The following CEP162 variants were observed in gnomAD, a reference collection of about 807,000 sequenced individuals.
CEP162 encodes the protein centrosomal protein of 162 kDa.
A neutral mutation model predicts 169.2 loss-of-function variants in CEP162; 141 were observed. The observed-to-expected ratio is 0.83, with a 90% CI of 0.73 to 0.96. The LOEUF (loss-of-function observed/expected upper bound fraction) is 0.96. Among genes scored for constraint, CEP162 ranks in the 40% least tolerant of loss-of-function variants. The pLI is 0.00. For missense variants in CEP162, 1,600 were observed against 1,587.2 expected (o/e 1.01, Z -0.14); for synonymous variants, 540 against 526.4 (o/e 1.03, Z -0.35).
chr6:84,187,501 T>A (rs1010617738), intron 11 of CEP162, among the ~76,000 whole-genome samples: 4 of 152,224 alleles, frequency 2.6e-5, no homozygotes, highest in African/African-American at 9.6e-5. Context: ...CCTGGCTAGA[T>A]GCTAATCAAA....
chr6:84,135,720 G>A (rs62449281), intron 25 of CEP162, among the ~76,000 whole-genome samples: 6,465 of 152,084 alleles, frequency 0.043, 200 homozygotes, highest in Admixed American at 0.086. Context: ...AAAATTAGCC[G>A]GGTGTGATGG....
At chr6:84,206,855 A>C (rs1163039401) in intron 6 of CEP162, among the ~76,000 whole-genome samples, 2 of 152,222 alleles carry the variant, frequency 1.3e-5, no homozygotes, top group African/African-American at 4.8e-5. Context: ...ATCTACAAAG[A>C]ACTCAAACAA....
At chr6:84,164,578 T>C (rs1001519153) in intron 18 of CEP162, among the ~76,000 whole-genome samples, 3 of 152,130 alleles carry the variant, frequency 2.0e-5, no homozygotes, top group African/African-American at 7.2e-5. Context: ...CCATCACTCT[T>C]AGCAAACTAA....
In CEP162 at chr6:84,225,621, T is replaced by C. The variant is rs929343522; in HGVS notation, c.57+716A>G. Among the ~76,000 whole-genome samples the C allele has an allele frequency of 1.6e-4, 24 of 152,166 alleles. 1 individual carries two copies. On this transcript the variant is annotated intron_variant, in intron 2 of 26. Transcript: ENST00000403245. ...ACATAGTAGTGAACATGTTGATATA[T>C]AATAGCAATGAACGTAGAGTCATCA...
Position 84,221,103 on chromosome 6 carries a change from TTTC to T in CEP162, c.123_125del (p.Lys42del). The T allele has an allele frequency of 6.2e-7, 1 of 1,604,018 alleles. No homozygotes were observed. The highest frequency in any genetic ancestry group is 8.5e-7 in the Non-Finnish European group (1 of 1,171,418). On this transcript the variant is annotated inframe_deletion, in exon 3 of 27. Coordinates refer to ENST00000403245, the MANE Select transcript of CEP162 (RefSeq NM_014895.4). ...CAGTTATCCACCAAGGCACTGTATC[TTTC>T]TTCTTCATCTCTTTTTTAGATTGTC...
At chr6:84,152,073 A>G (rs1289631311) in intron 23 of CEP162, among the ~76,000 whole-genome samples, 1 of 152,194 alleles carries the variant, frequency 6.6e-6, no homozygotes, top group African/African-American at 2.4e-5. Context: ...GAAATGGATG[A>G]GTATAAAGTT....
Position 84,124,949 on chromosome 6 carries a change from T to C in CEP162, c.*121A>G. The C allele has an allele frequency of 1.3e-6, 1 of 749,250 alleles. No homozygotes were observed. Among genetic ancestry groups the C allele is most frequent in the Non-Finnish European group, 2.2e-6 (1 of 454,036 alleles). 46.4% of individuals were successfully genotyped at this position (749,250 alleles called of 1,614,324 possible). On this transcript the variant is annotated 3_prime_UTR_variant, in exon 27 of 27. Coordinates refer to ENST00000403245, the MANE Select transcript of CEP162 (RefSeq NM_014895.4). ...GGCAATTTATTTTGAAATGTTGCTT[T>C]GGTTGTTTGCTTTCTGGAAACATAT...
chr6:84,190,519 C>T (rs989975271), intron 11 of CEP162, among the ~76,000 whole-genome samples: 4 of 152,298 alleles, frequency 2.6e-5, no homozygotes, highest in African/African-American at 9.6e-5. Flanking sequence ...ACACTCACTG[C>T]AAAGATCTGC....
chr6:84,219,876 T>C (rs2099552994), intron 3 of CEP162, among the ~76,000 whole-genome samples: 1 of 152,204 alleles, frequency 6.6e-6, no homozygotes, highest in Admixed American at 6.5e-5. Flanking sequence ...AGTGTTACTA[T>C]GGTGTTCTGA....
At chr6:84,200,092 A>G (rs1032975926) in intron 9 of CEP162, among the ~76,000 whole-genome samples, 1 of 151,944 alleles carries the variant, frequency 6.6e-6, no homozygotes, top group Admixed American at 6.6e-5. Flanking sequence ...CTACTAAAAA[A>G]ATACAAAAAA....
At chr6:84,175,115 A>T in intron 14 of CEP162, 99 bp downstream of exon 14, 1 of 938,652 alleles carries the variant, frequency 1.1e-6, no homozygotes, top group Non-Finnish European at 1.5e-6. Flanking sequence ...ACTCAAAGGA[A>T]AAGACATTTC....
rs1006543564 is a variant in CEP162 at position 84,185,103 on chromosome 6, T to C, written c.1663+84A>G. The C allele has an allele frequency of 1.0e-5, 13 of 1,250,414 alleles. No individual in the cohort carries two copies. In the Admixed American group the frequency reaches 2.9e-4, roughly 28 times the overall value. 77.5% of individuals were successfully genotyped at this position (1,250,414 alleles called of 1,614,324 possible). On this transcript the variant is annotated intron_variant, in intron 13 of 26. Coordinates refer to ENST00000403245, the MANE Select transcript of CEP162 (RefSeq NM_014895.4). ...CTGTTGCCTCCTGCAAATTGAATCT[T>C]ACAAATGGAATGTGGTACCTTAATT...
chr6:84,213,732 T>C (rs145046870), intron 5 of CEP162, among the ~76,000 whole-genome samples: 29 of 152,290 alleles, frequency 1.9e-4, no homozygotes, highest in African/African-American at 6.3e-4. Context: ...TATCAATAGA[T>C]AAGAATACTG....
intron 10 of CEP162, 131 bp downstream of exon 10, chr6:84,194,752 GA>G: frequency 6.5e-6 from 5 of 769,658 alleles, no homozygotes; most frequent in Non-Finnish European, 8.1e-6. Context: ...TCGCCTGGCT[GA>G]AAAAATTTCT....
At chr6:84,125,428 G>A (rs1245241380) in intron 26 of CEP162, among the ~76,000 whole-genome samples, 152 bp from the exon 27 acceptor site, 5 of 139,704 alleles carry the variant, frequency 3.6e-5, no homozygotes, top group African/African-American at 1.7e-4. Context: ...CTGTCTTCAA[G>A]GAGTATATAC....
At chr6:84,146,927 A>T (rs921602091) in intron 24 of CEP162, 142 bp from the exon 25 acceptor site, 10 of 428,510 alleles carry the variant, frequency 2.3e-5, no homozygotes, top group Non-Finnish European at 3.7e-5. Context: ...ATGGAAAAAA[A>T]TTATAGAGAT....
intron 10 of CEP162, 138 bp from the exon 11 acceptor site, chr6:84,193,828 A>T: frequency 2.1e-6 from 1 of 486,196 alleles, no homozygotes; most frequent in South Asian, 3.0e-5. Context: ...TTTCCGTCTT[A>T]AGTTTCCTTA....
chr6:84,177,169 G>T (rs908869785), intron 13 of CEP162, among the ~76,000 whole-genome samples: 2 of 152,116 alleles, frequency 1.3e-5, no homozygotes, highest in African/African-American at 4.8e-5. Context: ...GGACAAGACA[G>T]TTCTCACCTC....
intron 13 of CEP162, among the ~76,000 whole-genome samples, chr6:84,184,922 C>T (rs2099536439): frequency 6.6e-6 from 1 of 151,898 alleles, no homozygotes; most frequent in Non-Finnish European, 1.5e-5. Context: ...CATAGCTTTC[C>T]CCATTCCAGC....
Sources: gnomAD v4.1 joint callset for allele counts (sites outside exome capture counted in the v4.1 genomes callset) on GRCh38, gnomAD v4.1.1 for gene constraint, MANE v1.5 for transcripts, NCBI Gene and HGNC (gene_info 2026-07-23, HGNC 2026-07-21) for gene names.